The following NRG3 variants were observed in gnomAD, a reference collection of about 807,000 sequenced individuals.
The protein encoded by NRG3 is neuregulin 3, also known as pro-neuregulin-3, membrane-bound isoform.
NRG3 carries 31 observed loss-of-function variants against 66.9 expected under a neutral mutation model. That is an observed-to-expected ratio of 0.46 (90% CI 0.35 to 0.63). The LOEUF is 0.63. Ranked by LOEUF, NRG3 falls within the 20% of genes least tolerant of loss-of-function variation. The probability of loss-of-function intolerance (pLI) is 0.00; values close to 1 mark genes in which losing one functional copy is unlikely to be tolerated. For synonymous variants in NRG3, 393 were observed against 359.4 expected, an observed-to-expected ratio of 1.09 and a Z score of -1.06; for missense variants, 910 against 878.9, an observed-to-expected ratio of 1.04 and a Z score of -0.45.
chr10:82,362,331 A>ATGTGTG (rs1464046170), intron 2 of NRG3, among the ~76,000 whole-genome samples: 11 of 123,780 alleles, frequency 8.9e-5, no homozygotes, highest in African/African-American at 4.2e-4. Context: ...GTGTATATAT[A>ATGTGTG]TATGTGTGTG....
chr10:82,985,498 A>G lies in NRG3; in HGVS notation c.1984A>G (p.Ser662Gly). ...CAGCGTAGAAACCGAGGACAGTGCA[A>G]GCGAAAACACAGCCTTTCTCCCCCT... Reference protein sequence around the residue: ...LASVETEDSASENTAFLPLSP... With the variant: ...LASVETEDSAGENTAFLPLSP... The change falls in exon 9 of 9, where the codon AGC (serine) becomes GGC (glycine). Residue 662 changes from serine (S) to glycine (G), a missense_variant. Physicochemically the swap from Ser to Gly is moderately conservative, Grantham distance 56. Coordinates refer to ENST00000372141, the MANE Select transcript of NRG3 (RefSeq NM_001010848.4). 1 of 1,614,090 alleles carries G rather than the reference A, an allele frequency of 6.2e-7. No individual in the cohort carries two copies. The highest frequency in any genetic ancestry group is 8.5e-7 in the Non-Finnish European group (1 of 1,180,006).
At chr10:82,717,842 T>C (rs759540966) in intron 2 of NRG3, among the ~76,000 whole-genome samples, 48 of 150,670 alleles carry the variant, frequency 3.2e-4, no homozygotes, top group Non-Finnish European at 5.7e-4. Flanking sequence ...TATGGTTCTA[T>C]TGAAAAGTCT....
chr10:82,818,107 A>G (rs1290120202), intron 3 of NRG3, among the ~76,000 whole-genome samples: 1 of 152,190 alleles, frequency 6.6e-6, no homozygotes, highest in Admixed American at 6.5e-5. Context: ...CCCACTATTA[A>G]TTGTATGCAG....
At chr10:82,094,531 A>C (rs1265809531) in intron 1 of NRG3, among the ~76,000 whole-genome samples, 1 of 152,214 alleles carries the variant, frequency 6.6e-6, no homozygotes, top group African/African-American at 2.4e-5. Flanking sequence ...ATCAAAAAGA[A>C]ACCTGCATTT....
chr10:82,385,508 G>A (rs1021604864), intron 2 of NRG3, among the ~76,000 whole-genome samples: 19 of 152,088 alleles, frequency 1.2e-4, no homozygotes, highest in African/African-American at 4.6e-4. Context: ...GGTCTCAAAT[G>A]GTGTGGAGCA....
At chr10:82,067,630 G>A (rs567700072) in intron 1 of NRG3, among the ~76,000 whole-genome samples, 1 of 152,322 alleles carries the variant, frequency 6.6e-6, no homozygotes, top group Non-Finnish European at 1.5e-5. Flanking sequence ...TTATAGGTGT[G>A]AGCCACCACA....
chr10:82,520,161 C>T (rs761706018), intron 2 of NRG3, among the ~76,000 whole-genome samples: 6 of 149,062 alleles, frequency 4.0e-5, no homozygotes, highest in Non-Finnish European at 1.5e-5. Flanking sequence ...TTCCCAGAAG[C>T]TGTCCTAGGG....
chr10:82,009,964 G>A (rs1007170718), intron 1 of NRG3, among the ~76,000 whole-genome samples: 2 of 152,190 alleles, frequency 1.3e-5, no homozygotes, highest in Admixed American at 1.3e-4. Context: ...CTCAGTGAAA[G>A]AAGTAGAAGC....
chr10:82,934,713 T>C (rs1275808233), intron 4 of NRG3, among the ~76,000 whole-genome samples: 1 of 152,204 alleles, frequency 6.6e-6, no homozygotes, highest in Non-Finnish European at 1.5e-5. Context: ...AACTGCAGTA[T>C]ATAATTATTG....
intron 1 of NRG3, among the ~76,000 whole-genome samples, chr10:82,108,849 A>G (rs540823659): frequency 2.7e-4 from 41 of 152,300 alleles, no homozygotes; most frequent in African/African-American, 9.6e-4. Context: ...CACAGCCTGG[A>G]TATGGTATAT....
intron 1 of NRG3, among the ~76,000 whole-genome samples, chr10:81,962,899 T>TTC (rs902790395): frequency 3.3e-5 from 5 of 152,280 alleles, no homozygotes; most frequent in African/African-American, 1.2e-4. Flanking sequence ...GTGATTGGCT[T>TTC]TCACGAGGTA....
intron 2 of NRG3, among the ~76,000 whole-genome samples, chr10:82,429,747 A>G (rs1000936341): frequency 6.6e-6 from 1 of 152,070 alleles, no homozygotes; most frequent in Non-Finnish European, 1.5e-5. Flanking sequence ...CCTCTCATCC[A>G]TCATGCACAT....
chr10:82,802,242 C>G (rs2061073779), intron 3 of NRG3, among the ~76,000 whole-genome samples: 1 of 151,990 alleles, frequency 6.6e-6, no homozygotes, highest in Admixed American at 6.6e-5. Context: ...GAGAGGAGGC[C>G]CTGGTGTGTT....
intron 4 of NRG3, among the ~76,000 whole-genome samples, chr10:82,897,273 A>C (rs1843744011): frequency 1.3e-5 from 2 of 152,224 alleles, no homozygotes. Flanking sequence ...CCTAAACCAT[A>C]ATCTAATGCT....
intron 1 of NRG3, among the ~76,000 whole-genome samples, chr10:82,325,020 A>G (rs752960973): frequency 5.3e-5 from 8 of 152,190 alleles, no homozygotes; most frequent in Non-Finnish European, 1.2e-4. Flanking sequence ...GCAGATTATA[A>G]TGGTGGATTT....
chr10:82,039,830 A>C (rs2062951310), intron 1 of NRG3, among the ~76,000 whole-genome samples: 1 of 152,094 alleles, frequency 6.6e-6, no homozygotes, highest in African/African-American at 2.4e-5. Context: ...GTCTCTCCTG[A>C]CGCATCACTG....
chr10:82,197,673 C>T (rs1314631548), intron 1 of NRG3, among the ~76,000 whole-genome samples: 1 of 151,884 alleles, frequency 6.6e-6, no homozygotes, highest in Non-Finnish European at 1.5e-5. Flanking sequence ...TAAACAACAC[C>T]AGATGTTGAA....
intron 2 of NRG3, among the ~76,000 whole-genome samples, chr10:82,420,762 A>C (rs998582433): frequency 6.6e-6 from 1 of 152,200 alleles, no homozygotes; most frequent in African/African-American, 2.4e-5. Context: ...ACTGGAAACA[A>C]CCCAAATTTC....
At chr10:82,365,300 G>A (rs1311018573) in intron 2 of NRG3, among the ~76,000 whole-genome samples, 2 of 152,176 alleles carry the variant, frequency 1.3e-5, no homozygotes, top group Admixed American at 6.5e-5. Context: ...ATAAATCCAG[G>A]CCAGGCTGCA....
Sources: gnomAD v4.1 joint callset for allele counts (sites outside exome capture counted in the v4.1 genomes callset) on GRCh38, gnomAD v4.1.1 for gene constraint, MANE v1.5 for transcripts, NCBI Gene and HGNC (gene_info 2026-07-23, HGNC 2026-07-21) for gene names.